TRERF1: variants seen among roughly 807,000 people sequenced by gnomAD.
TRERF1 encodes transcriptional regulating factor 1.
Under a neutral mutation model 122.9 loss-of-function variants are expected in TRERF1, and 27 were observed. The observed-to-expected ratio is 0.22, with a 90% confidence interval of 0.16 to 0.30. TRERF1 has a LOEUF of 0.30. Ranked by LOEUF, TRERF1 falls within the 10% of genes least tolerant of loss-of-function variation. The pLI is 1.00. For missense variants in TRERF1, 1,248 were observed against 1,560.3 expected (o/e 0.80, Z 3.37); for synonymous variants, 636 against 641.7 (o/e 0.99, Z 0.13).
intron 13 of TRERF1, among the ~76,000 whole-genome samples, chr6:42,250,449 T>G (rs926231018): frequency 6.6e-6 from 1 of 152,184 alleles, no homozygotes; most frequent in Admixed American, 6.5e-5. Flanking sequence ...TGGAGTCTGA[T>G]AGGGACACGT....
At chr6:42,441,550 G>T (rs1452185488) in intron 2 of TRERF1, among the ~76,000 whole-genome samples, 1 of 152,160 alleles carries the variant, frequency 6.6e-6, no homozygotes, top group African/African-American at 2.4e-5. Context: ...CAAGGGGGAA[G>T]AAAATATTTC....
At position 42,259,667 on chromosome 6, in the gene TRERF1, G is replaced by T; in HGVS notation, c.1941C>A (p.Thr647=). 9 of 1,609,866 alleles carry T rather than the reference G, an allele frequency of 5.6e-6. No homozygotes were observed. Among genetic ancestry groups the T allele is most frequent in the Non-Finnish European group, 7.6e-6 (9 of 1,179,982 alleles). ...GCCGGAACTTTTTCTTCTCCTGCAC[G>T]GTCTTGAGGGGCTCCTCGGCTTTGG... Residue 647 remains threonine, a synonymous_variant, in exon 9 of 18, where the codon ACC becomes ACA. Transcript: ENST00000372922. This position sits in a 1 kb window ranked among gnomAD's most constrained non-coding sequence, Gnocchi z 4.9.
At chr6:42,353,458 G>A (rs1581743082) in intron 3 of TRERF1, among the ~76,000 whole-genome samples, 2 of 151,884 alleles carry the variant, frequency 1.3e-5, no homozygotes, top group East Asian at 3.9e-4. Context: ...CGTGGTGGCG[G>A]GTGCCTACAA....
In TRERF1 at chr6:42,269,600, C is replaced by T; in HGVS notation, c.-10G>A. The T allele has an allele frequency of 6.2e-7, 1 of 1,608,930 alleles. No individual in the cohort carries two copies. The highest frequency in any genetic ancestry group is 8.5e-7 in the Non-Finnish European group (1 of 1,176,132). ...GTTGCTGGTCACCCATGCTGTCTGC[C>T]TTGGTTGTGAACGTCCAGCCACAAA... On this transcript the variant is annotated 5_prime_UTR_variant, in exon 5 of 18. Coordinates refer to ENST00000372922, the Ensembl canonical transcript of TRERF1. This position sits in a 1 kb window ranked among gnomAD's most constrained non-coding sequence, Gnocchi z 4.9.
At chr6:42,364,324 G>A (rs928064498) in intron 2 of TRERF1, among the ~76,000 whole-genome samples, 2 of 152,070 alleles carry the variant, frequency 1.3e-5, no homozygotes, top group African/African-American at 2.4e-5. Flanking sequence ...CTCAAACCCC[G>A]GCCCCCTTCC....
intron 4 of TRERF1, among the ~76,000 whole-genome samples, chr6:42,280,045 G>T (rs1782016678): frequency 6.6e-6 from 1 of 152,152 alleles, no homozygotes; most frequent in African/African-American, 2.4e-5. Context: ...CAGACAAAAA[G>T]CCTGTGTAGA....
intron 15 of TRERF1, among the ~76,000 whole-genome samples, chr6:42,242,268 A>G (rs1300938722): frequency 2.0e-5 from 3 of 152,234 alleles, no homozygotes; most frequent in African/African-American, 4.8e-5. Flanking sequence ...ATGAGTCAAT[A>G]TTTATAAAGT....
intron 3 of TRERF1, among the ~76,000 whole-genome samples, chr6:42,327,765 T>G (rs1246605497): frequency 2.0e-5 from 3 of 152,076 alleles, no homozygotes; most frequent in Admixed American, 2.0e-4. Context: ...TTTAGAAGAC[T>G]CTTCTGAGGA....
At chr6:42,253,249 T>C (rs1249572790) in intron 13 of TRERF1, among the ~76,000 whole-genome samples, 2 of 152,200 alleles carry the variant, frequency 1.3e-5, no homozygotes, top group South Asian at 2.1e-4. Context: ...GTATCCCAGA[T>C]GACGCTGCTC....
intron 2 of TRERF1, among the ~76,000 whole-genome samples, chr6:42,390,819 T>C (rs1777607209): frequency 6.6e-6 from 1 of 152,168 alleles, no homozygotes; most frequent in South Asian, 2.1e-4. Context: ...TAGTACCAAG[T>C]GGCTTACAGC....
At chr6:42,307,689 GAAA>G (rs34629644) in intron 3 of TRERF1, among the ~76,000 whole-genome samples, 6 of 122,482 alleles carry the variant, frequency 4.9e-5, no homozygotes, top group Non-Finnish European at 9.1e-5. Context: ...GTAAATGTAT[GAAA>G]AAAAAAAAAA....
At chr6:42,400,906 A>G (rs1336058561) in intron 2 of TRERF1, among the ~76,000 whole-genome samples, 1 of 152,194 alleles carries the variant, frequency 6.6e-6, no homozygotes, top group African/African-American at 2.4e-5. Flanking sequence ...CCCAAGGAAG[A>G]CACAAGATTG....
At chr6:42,355,633 A>C (rs1770386109) in intron 3 of TRERF1, among the ~76,000 whole-genome samples, 1 of 152,218 alleles carries the variant, frequency 6.6e-6, no homozygotes, top group Non-Finnish European at 1.5e-5. Flanking sequence ...TTGAGAGTTT[A>C]AAAGGATTTT....
chr6:42,311,435 G>GCGGT (rs1285433836), intron 3 of TRERF1, among the ~76,000 whole-genome samples: 1 of 152,080 alleles, frequency 6.6e-6, no homozygotes, highest in Non-Finnish European at 1.5e-5. Flanking sequence ...GCCGGCAGGT[G>GCGGT]CGGTCAGCAA....
intron 2 of TRERF1, among the ~76,000 whole-genome samples, chr6:42,444,619 A>G (rs1787143876): frequency 6.6e-6 from 1 of 152,030 alleles, no homozygotes; most frequent in Admixed American, 6.6e-5. Context: ...TTCCTGAAGT[A>G]TCCCCCACCC....
At chr6:42,369,863 C>T (rs1252938214) in intron 2 of TRERF1, among the ~76,000 whole-genome samples, 1 of 152,096 alleles carries the variant, frequency 6.6e-6, no homozygotes, top group Non-Finnish European at 1.5e-5. Flanking sequence ...AAACCCAGGC[C>T]TAAAAACTTC....
intron 15 of TRERF1, among the ~76,000 whole-genome samples, chr6:42,238,423 G>T (rs7742295): frequency 0.033 from 4,994 of 152,196 alleles, 293 homozygotes; most frequent in African/African-American, 0.11. Flanking sequence ...ATCACAAAAT[G>T]ATTTACCATC....
chr6:42,357,112 C>T (rs1207961989), intron 3 of TRERF1, among the ~76,000 whole-genome samples: 3 of 151,736 alleles, frequency 2.0e-5, no homozygotes, highest in Admixed American at 6.6e-5. Flanking sequence ...AGATGGACCA[C>T]GAGGTCAGGA....
chr6:42,422,664 G>A (rs182972866), intron 2 of TRERF1, among the ~76,000 whole-genome samples: 77 of 151,746 alleles, frequency 5.1e-4, no homozygotes, highest in Middle Eastern at 3.4e-3. Context: ...GTAATTTCAC[G>A]AGATAGGGCT....
Sources: allele counts gnomAD v4.1 joint callset (sites outside exome capture counted in the v4.1 genomes callset), GRCh38; gene constraint gnomAD v4.1.1; non-coding constraint Gnocchi (gnomAD v3.1); transcripts MANE v1.5; gene names NCBI Gene and HGNC (gene_info 2026-07-23, HGNC 2026-07-21).